The following STK32B variants were observed in gnomAD, a reference collection of about 807,000 sequenced individuals.
STK32B encodes the protein serine/threonine-protein kinase 32B.
A neutral mutation model predicts 52.6 loss-of-function variants in STK32B; 43 were observed. That is an observed-to-expected ratio of 0.82 (90% CI 0.64 to 1.05). The LOEUF (loss-of-function observed/expected upper bound fraction) is 1.05, where lower values mean the gene tolerates loss of function less well. Among genes scored for constraint, STK32B ranks in the 50% least tolerant of loss-of-function variants. STK32B has a pLI of 0.00. For missense variants in STK32B, 621 were observed against 534.6 expected (o/e 1.16, Z -1.59); for synonymous variants, 238 against 204.3 (o/e 1.17, Z -1.41).
chr4:5,137,999 C>A (rs1398223110), intron 1 of STK32B, among the ~76,000 whole-genome samples: 1 of 152,172 alleles, frequency 6.6e-6, no homozygotes, highest in Non-Finnish European at 1.5e-5. Flanking sequence ...TCGGGAGTTT[C>A]TCGACAGGAC....
At chr4:5,153,854 A>G (rs192784940) in intron 2 of STK32B, among the ~76,000 whole-genome samples, 1 of 152,338 alleles carries the variant, frequency 6.6e-6, no homozygotes, top group Admixed American at 6.5e-5. Flanking sequence ...TACAAAGTCA[A>G]TATAAAAAAC....
chr4:5,439,075 G>A (rs574623641), intron 6 of STK32B, among the ~76,000 whole-genome samples: 3 of 149,816 alleles, frequency 2.0e-5, no homozygotes, highest in Non-Finnish European at 4.4e-5. Flanking sequence ...GTGTGCATGT[G>A]TCTTTATAGC....
At chr4:5,286,700 G>A (rs1365890651) in intron 3 of STK32B, among the ~76,000 whole-genome samples, 1 of 151,524 alleles carries the variant, frequency 6.6e-6, no homozygotes, top group Non-Finnish European at 1.5e-5. Context: ...TAATCTGTTG[G>A]AATTCAAAAT....
chr4:5,352,721 C>G (rs185420589), intron 4 of STK32B, among the ~76,000 whole-genome samples: 16 of 138,570 alleles, frequency 1.2e-4, no homozygotes, highest in East Asian at 1.0e-3. Context: ...CCAAAATACT[C>G]TTAGATCTGA....
chr4:5,398,451 C>T lies in STK32B; in HGVS notation c.472+207C>T, dbSNP rs1481309934. Reference sequence around the variant, plus strand: ...GTAAGTTGAATCAAAGTTATTTAAACTGTTCGCATCTGAAGTCATTGCTGT... The same window carrying T: ...GTAAGTTGAATCAAAGTTATTTAAATTGTTCGCATCTGAAGTCATTGCTGT... On this transcript the variant is annotated intron_variant, in intron 5 of 11. Transcript: ENST00000282908. The surrounding 1 kb of genome is among the most constrained non-coding windows in gnomAD (Gnocchi z 4.9). 6.6e-6 allele frequency among the ~76,000 whole-genome samples: 1 copy of T among 152,200 alleles called. No homozygotes were observed. Among genetic ancestry groups the T allele is most frequent in the East Asian group, 1.9e-4 (1 of 5,200 alleles).
At chr4:5,313,592 T>G (rs1262989199) in intron 3 of STK32B, among the ~76,000 whole-genome samples, 1 of 146,268 alleles carries the variant, frequency 6.8e-6, no homozygotes, top group Non-Finnish European at 1.5e-5. Flanking sequence ...GCATAGTTAT[T>G]TACATTAAAA....
intron 3 of STK32B, among the ~76,000 whole-genome samples, chr4:5,184,514 C>T (rs1176543506): frequency 6.6e-6 from 1 of 151,708 alleles, no homozygotes; most frequent in Admixed American, 6.6e-5. Context: ...ATGGTGAAAC[C>T]CTGTCTCTAC....
intron 1 of STK32B, among the ~76,000 whole-genome samples, chr4:5,080,104 G>T (rs1255401019): frequency 1.3e-5 from 2 of 152,014 alleles, no homozygotes; most frequent in African/African-American, 4.8e-5. Context: ...AGAAGCCAGG[G>T]TCTTCTCATT....
rs1193462359 is a variant in STK32B at position 5,489,621 on chromosome 4, A to ATTTTTTTTTTT, written c.1107-9318_1107-9317insTTTTTTTTTTT. 2.0e-5 allele frequency among the ~76,000 whole-genome samples: 3 copies of ATTTTTTTTTTT among 151,704 alleles called. No individual in the cohort carries two copies. In the East Asian group the frequency reaches 6.0e-4, roughly 30 times the overall value. Reference sequence around the variant, plus strand: ...ACAACAATTTTATTTTATTTTATTTATTTTTTATTATTTTTTTTGAGATGG... The same window carrying ATTTTTTTTTTT: ...ACAACAATTTTATTTTATTTTATTTATTTTTTTTTTTTTTTTTATTATTTTTTTTGAGATGG... On this transcript the variant is annotated intron_variant, in intron 11 of 11. Transcript: ENST00000282908.
chr4:5,116,184 GCACACA>G (rs146380270), intron 1 of STK32B, among the ~76,000 whole-genome samples: 1 of 149,144 alleles, frequency 6.7e-6, no homozygotes, highest in African/African-American at 2.5e-5. Flanking sequence ...GTGCATGCAC[GCACACA>G]CACACACACA....
In STK32B at chr4:5,398,522, C is replaced by T. The variant is rs568284405; in HGVS notation, c.472+278C>T. 1.9e-3 allele frequency among the ~76,000 whole-genome samples: 285 copies of T among 152,218 alleles called. 1 individual carries two copies. Among genetic ancestry groups the T allele is most frequent in the Admixed American group, 5.2e-3 (79 of 15,292 alleles). Reference sequence around the variant, plus strand: ...GACAGGGCCGCCGTGAGGATGAGCCCGGGGTTCCAACCCCAACTCCCTCAC... The same window carrying T: ...GACAGGGCCGCCGTGAGGATGAGCCTGGGGTTCCAACCCCAACTCCCTCAC... On this transcript the variant is annotated intron_variant, in intron 5 of 11. Coordinates refer to ENST00000282908, the MANE Select transcript of STK32B (RefSeq NM_018401.3). The surrounding 1 kb of genome is among the most constrained non-coding windows in gnomAD (Gnocchi z 4.9).
intron 4 of STK32B, among the ~76,000 whole-genome samples, chr4:5,362,903 C>G (rs1240154065): frequency 6.6e-6 from 1 of 152,208 alleles, no homozygotes; most frequent in Non-Finnish European, 1.5e-5. Context: ...AATTCAACCT[C>G]CATACTGCCT....
intron 1 of STK32B, among the ~76,000 whole-genome samples, chr4:5,079,831 G>A (rs6841845): frequency 0.037 from 5,653 of 152,064 alleles, 356 homozygotes; most frequent in African/African-American, 0.13. Flanking sequence ...TGAAACTGAT[G>A]GACATTATGC....
At chr4:5,259,997 C>T (rs112808579) in intron 3 of STK32B, among the ~76,000 whole-genome samples, 3,158 of 151,992 alleles carry the variant, frequency 0.021, 47 homozygotes, top group Non-Finnish European at 0.034. Flanking sequence ...GGGGAATCTT[C>T]CTGAGGGGGG....
intron 2 of STK32B, among the ~76,000 whole-genome samples, chr4:5,154,390 T>G (rs1050040357): frequency 1.3e-5 from 2 of 152,096 alleles, no homozygotes; most frequent in Non-Finnish European, 2.9e-5. Context: ...TAATTTTGTA[T>G]TTTTAGTAGA....
chr4:5,176,584 C>G (rs557973040), intron 3 of STK32B, among the ~76,000 whole-genome samples: 1 of 151,982 alleles, frequency 6.6e-6, no homozygotes, highest in South Asian at 2.1e-4. Flanking sequence ...GCTGGGATTA[C>G]AAGCGCCTGC....
intron 4 of STK32B, among the ~76,000 whole-genome samples, chr4:5,343,764 A>G (rs1046708138): frequency 3.9e-5 from 6 of 152,210 alleles, no homozygotes; most frequent in African/African-American, 7.2e-5. Flanking sequence ...AAAAGAAACT[A>G]TCATTAGAGT....
At chr4:5,356,291 T>G (rs1175522308) in intron 4 of STK32B, among the ~76,000 whole-genome samples, 1 of 152,160 alleles carries the variant, frequency 6.6e-6, no homozygotes, top group Admixed American at 6.5e-5. Flanking sequence ...TCTCTTTCCC[T>G]TAAAACAGCA....
intron 4 of STK32B, among the ~76,000 whole-genome samples, chr4:5,375,435 T>G (rs1485288803): frequency 6.6e-6 from 1 of 152,192 alleles, no homozygotes; most frequent in Non-Finnish European, 1.5e-5. Context: ...TTTCTCTTAT[T>G]TTTCCATCTC....
Sources: gnomAD v4.1 joint callset for allele counts (sites outside exome capture counted in the v4.1 genomes callset) on GRCh38, gnomAD v4.1.1 for gene constraint, Gnocchi (gnomAD v3.1) non-coding constraint, MANE v1.5 for transcripts, NCBI Gene and HGNC (gene_info 2026-07-23, HGNC 2026-07-21) for gene names.